ULK4: variants seen among roughly 807,000 people sequenced by gnomAD.
The protein encoded by ULK4 is inactive serine/threonine-protein kinase ULK4.
A neutral mutation model predicts 160.6 loss-of-function variants in ULK4; 133 were observed. The ratio of observed to expected loss-of-function variants is 0.83; its 90% CI spans 0.72 to 0.96. The LOEUF (loss-of-function observed/expected upper bound fraction) is 0.96. Among genes scored for constraint, ULK4 ranks in the 40% least tolerant of loss-of-function variants. The probability of loss-of-function intolerance (pLI) is 0.00; values close to 1 mark genes in which losing one functional copy is unlikely to be tolerated. For missense variants in ULK4, 1,580 were observed against 1,499.5 expected (o/e 1.05, Z -0.89); for synonymous variants, 534 against 539.8 (o/e 0.99, Z 0.15).
At chr3:41,917,506 C>T (rs1699008944) in intron 7 of ULK4, among the ~76,000 whole-genome samples, 1 of 151,974 alleles carries the variant, frequency 6.6e-6, no homozygotes, top group Non-Finnish European at 1.5e-5. Flanking sequence ...TTTGTAGAAT[C>T]CTGTTTTCAT....
At chr3:41,446,193 T>G (rs2083293449) in intron 34 of ULK4, among the ~76,000 whole-genome samples, 3 of 152,100 alleles carry the variant, frequency 2.0e-5, no homozygotes, top group Admixed American at 6.5e-5. Flanking sequence ...CTCACACCAG[T>G]TAGAATGGCA....
At chr3:41,815,694 T>C (rs936795444) in intron 19 of ULK4, among the ~76,000 whole-genome samples, 1 of 152,196 alleles carries the variant, frequency 6.6e-6, no homozygotes, top group African/African-American at 2.4e-5. Context: ...ACATCTTTTA[T>C]ACTTAGTTGT....
chr3:41,690,922 G>A (rs1184116029), intron 27 of ULK4, among the ~76,000 whole-genome samples: 1 of 151,740 alleles, frequency 6.6e-6, no homozygotes, highest in African/African-American at 2.4e-5. Context: ...GCAGGAGAGG[G>A]CACCCCACCC....
Position 41,491,215 on chromosome 3 carries a change from A to G in ULK4, c.3227-27962T>C, listed in dbSNP as rs1385525523. Among the ~76,000 whole-genome samples, 6 of 152,214 alleles carry G rather than the reference A, an allele frequency of 3.9e-5. No individual in the cohort carries two copies. The East Asian group carries it at 7.7e-4, about 20-fold the overall frequency. On this transcript the variant is annotated intron_variant, in intron 32 of 36. Transcript: ENST00000301831. ...AAAGCTCAATTTCTAAAACATGTCA[A>G]TTCTTCCTAAATTAATCTATTAATT...
At position 41,896,953 on chromosome 3, in the gene ULK4, G is replaced by A. The variant is rs574210872; in HGVS notation, c.1399C>T (p.Gln467Ter). 4 of 1,612,886 alleles carry A rather than the reference G, an allele frequency of 2.5e-6. No homozygotes were observed. In the East Asian group the frequency reaches 8.9e-5, roughly 36 times the overall value. ...GTGGAGTCGATCTGCGAGCACACTTGTTGCAAAAAGTCATTCCAATCTTGA... is the reference window on the plus strand; with the variant it reads ...GTGGAGTCGATCTGCGAGCACACTTATTGCAAAAAGTCATTCCAATCTTGA... ...KDQDWNDFLQ[Q>*]VCSQIDSTEK... is the part of the protein sequence containing the mutation. Residue 467 changes from glutamine to a stop codon, truncating the protein, a stop_gained, in exon 15 of 37, where the codon CAA (glutamine) becomes TAA (stop). Transcript: ENST00000301831. LOFTEE classifies it high-confidence loss of function.
At position 41,292,974 on chromosome 3, in the gene ULK4, T is replaced by C. The variant is rs148880157; in HGVS notation, c.3679-43400A>G. On this transcript the variant is annotated intron_variant, in intron 35 of 36. Transcript: ENST00000301831. ...AATAAAAAAATAAAAAATAAAAAAT[T>C]AGTCAGGTGTGGTGGTGCATGTCTG... Among the ~76,000 whole-genome samples, 23 of 151,926 alleles carry C rather than the reference T, an allele frequency of 1.5e-4. No individual in the cohort carries two copies. The East Asian group carries it at 4.3e-3, about 28-fold the overall frequency.
At chr3:41,417,285 A>G (rs551430652) in intron 34 of ULK4, among the ~76,000 whole-genome samples, 1 of 152,292 alleles carries the variant, frequency 6.6e-6, no homozygotes, top group African/African-American at 2.4e-5. Context: ...TTGGGGGTCT[A>G]GTAAGGAGAG....
chr3:41,907,121 A>G (rs1462168760), intron 12 of ULK4, among the ~76,000 whole-genome samples: 1 of 152,180 alleles, frequency 6.6e-6, no homozygotes, highest in Non-Finnish European at 1.5e-5. Flanking sequence ...AAAAAAGACA[A>G]ACGTATACTA....
intron 32 of ULK4, among the ~76,000 whole-genome samples, chr3:41,507,777 C>A (rs1182348002): frequency 6.6e-6 from 1 of 152,184 alleles, no homozygotes; most frequent in East Asian, 1.9e-4. Flanking sequence ...GGACTCCACT[C>A]ATGATCCAGA....
At chr3:41,251,207 A>C (rs1055654258) in intron 35 of ULK4, 11 of 152,260 alleles carry the variant, frequency 7.2e-5, no homozygotes, top group African/African-American at 2.7e-4. Context: ...TGTGTAGCTG[A>C]CATAAATGTA....
chr3:41,880,497 C>T (rs1697478323), intron 17 of ULK4, among the ~76,000 whole-genome samples: 1 of 152,138 alleles, frequency 6.6e-6, no homozygotes, highest in Non-Finnish European at 1.5e-5. Context: ...ATTATACCAT[C>T]ATATTCTTCT....
At chr3:41,580,948 T>G (rs1401182582) in intron 31 of ULK4, among the ~76,000 whole-genome samples, 2 of 152,170 alleles carry the variant, frequency 1.3e-5, no homozygotes, top group Admixed American at 6.5e-5. Flanking sequence ...AATGTCAAAT[T>G]TTAACAATTC....
At chr3:41,893,738 TA>T (rs1698052029) in intron 16 of ULK4, among the ~76,000 whole-genome samples, 1 of 152,160 alleles carries the variant, frequency 6.6e-6, no homozygotes, top group Non-Finnish European at 1.5e-5. Context: ...ATGTTAATAA[TA>T]ACATTTACAA....
chr3:41,694,312 C>A (rs889361007), intron 27 of ULK4, among the ~76,000 whole-genome samples: 3 of 152,160 alleles, frequency 2.0e-5, no homozygotes, highest in South Asian at 2.1e-4. Context: ...AGGGGACTGG[C>A]TCCAGGGACA....
chr3:41,487,732 T>A (rs2084592365), intron 32 of ULK4, among the ~76,000 whole-genome samples: 1 of 152,106 alleles, frequency 6.6e-6, no homozygotes, highest in Non-Finnish European at 1.5e-5. Context: ...CTCTCAAGTG[T>A]GAAAGGTTAC....
intron 32 of ULK4, among the ~76,000 whole-genome samples, chr3:41,505,593 A>G (rs1360512854): frequency 6.6e-6 from 1 of 152,056 alleles, no homozygotes; most frequent in East Asian, 1.9e-4. Flanking sequence ...TTTTTTACTG[A>G]TTTATAATTG....
At chr3:41,897,609 T>C (rs1330756607) in intron 14 of ULK4, among the ~76,000 whole-genome samples, 1 of 152,170 alleles carries the variant, frequency 6.6e-6, no homozygotes, top group Admixed American at 6.5e-5. Context: ...AGGGAAATAG[T>C]ATTTCCAGGT....
chr3:41,263,857 G>A (rs927094013), intron 35 of ULK4, among the ~76,000 whole-genome samples: 3 of 152,230 alleles, frequency 2.0e-5, no homozygotes, highest in Non-Finnish European at 4.4e-5. Context: ...AGGACAGTGT[G>A]TATTGAGCAC....
intron 32 of ULK4, among the ~76,000 whole-genome samples, chr3:41,560,531 T>C (rs60687492): frequency 0.061 from 9,346 of 152,242 alleles, 853 homozygotes; most frequent in African/African-American, 0.2. Flanking sequence ...TGTCCTCTTT[T>C]ACTTCATTGA....
Sources: gnomAD v4.1 joint callset for allele counts (sites outside exome capture counted in the v4.1 genomes callset) on GRCh38, gnomAD v4.1.1 for gene constraint, MANE v1.5 for transcripts, NCBI Gene and HGNC (gene_info 2026-07-23, HGNC 2026-07-21) for gene names.